LRRC4C: variants seen among roughly 807,000 people sequenced by gnomAD.
LRRC4C encodes the protein leucine-rich repeat-containing protein 4C.
A neutral mutation model predicts 33.6 loss-of-function variants in LRRC4C; 5 were observed. The observed-to-expected ratio is 0.15, with a 90% confidence interval of 0.08 to 0.31. LRRC4C has a LOEUF of 0.31. Ranked by LOEUF, LRRC4C falls within the 10% of genes least tolerant of loss-of-function variation. LRRC4C has a pLI of 1.00. For missense variants in LRRC4C, 560 were observed against 796.7 expected (o/e 0.70, Z 3.58); for synonymous variants, 329 against 302.0 (o/e 1.09, Z -0.93).
Position 40,434,878 on chromosome 11 carries a change from A to T in LRRC4C, c.-269-115157T>A, listed in dbSNP as rs575436000. Among the ~76,000 whole-genome samples, 21 of 152,320 alleles carry T rather than the reference A, an allele frequency of 1.4e-4. 1 individual carries two copies. In the East Asian group the frequency reaches 3.9e-3, roughly 28 times the overall value. ...AGAAGGGAATATAAAAGAGAAAGAG[A>T]GAATGATGAATAGAGCTTGACTGGT... On this transcript the variant is annotated intron_variant, in intron 3 of 6. Transcript: ENST00000528697.
intron 2 of LRRC4C, among the ~76,000 whole-genome samples, chr11:40,818,106 A>C (rs1951780017): frequency 6.6e-6 from 1 of 152,100 alleles, no homozygotes; most frequent in South Asian, 2.1e-4. Context: ...AAAACTATAA[A>C]ATAAGGTTTC....
intron 2 of LRRC4C, among the ~76,000 whole-genome samples, chr11:40,752,025 T>C (rs1948713379): frequency 6.6e-6 from 1 of 152,074 alleles, no homozygotes. Flanking sequence ...CAATAAATGG[T>C]GATGGGAAAA....
chr11:40,165,323 T>C (rs192851956), intron 5 of LRRC4C, among the ~76,000 whole-genome samples: 1 of 152,328 alleles, frequency 6.6e-6, no homozygotes, highest in Admixed American at 6.5e-5. Context: ...TTTGTTTTTA[T>C]ATGTGTATGT....
At chr11:40,243,777 C>T (rs1317682929) in intron 4 of LRRC4C, among the ~76,000 whole-genome samples, 1 of 147,180 alleles carries the variant, frequency 6.8e-6, no homozygotes, top group South Asian at 2.1e-4. Flanking sequence ...ACATCCTCTT[C>T]CTCTCAGCTT....
chr11:41,406,858 C>G (rs1954260528), intron 1 of LRRC4C, among the ~76,000 whole-genome samples: 2 of 151,772 alleles, frequency 1.3e-5, no homozygotes, highest in Non-Finnish European at 2.9e-5. Flanking sequence ...TTAAAGCTGG[C>G]AAATCTGATA....
chr11:41,284,607 A>G (rs1266290070), intron 1 of LRRC4C, among the ~76,000 whole-genome samples: 2 of 152,154 alleles, frequency 1.3e-5, no homozygotes, highest in Non-Finnish European at 2.9e-5. Flanking sequence ...CGCTCCAGGC[A>G]CTTGTCCCCA....
At chr11:41,205,442 A>G (rs186248090) in intron 1 of LRRC4C, among the ~76,000 whole-genome samples, 56 of 152,314 alleles carry the variant, frequency 3.7e-4, no homozygotes, top group African/African-American at 1.3e-3. Context: ...AGGTCATTGT[A>G]CTGAACCATT....
chr11:40,723,231 C>A (rs1054793192), intron 2 of LRRC4C, among the ~76,000 whole-genome samples: 7 of 151,730 alleles, frequency 4.6e-5, no homozygotes, highest in African/African-American at 1.7e-4. Context: ...GAGAGGTCAA[C>A]AGGGGAATAT....
chr11:40,209,101 G>T (rs560029208), intron 5 of LRRC4C, among the ~76,000 whole-genome samples: 11 of 152,174 alleles, frequency 7.2e-5, no homozygotes, highest in African/African-American at 2.6e-4. Flanking sequence ...AATGAATAAG[G>T]CACATTCCCT....
intron 1 of LRRC4C, among the ~76,000 whole-genome samples, chr11:41,121,247 G>A (rs558893470): frequency 7.2e-5 from 11 of 151,952 alleles, no homozygotes; most frequent in Admixed American, 3.3e-4. Flanking sequence ...AGGATATATC[G>A]GTCGGTCAAA....
intron 5 of LRRC4C, among the ~76,000 whole-genome samples, chr11:40,197,482 C>T (rs1227598926): frequency 1.3e-5 from 2 of 152,208 alleles, no homozygotes; most frequent in African/African-American, 4.8e-5. Flanking sequence ...CACATAGCTA[C>T]TGAGTTGAGG....
intron 3 of LRRC4C, among the ~76,000 whole-genome samples, chr11:40,394,672 T>G (rs1284781825): frequency 6.6e-6 from 1 of 152,122 alleles, no homozygotes; most frequent in African/African-American, 2.4e-5. Context: ...TTCACGCTCT[T>G]GACTTGTGAA....
intron 5 of LRRC4C, among the ~76,000 whole-genome samples, chr11:40,199,119 G>A (rs763405496): frequency 9.9e-5 from 15 of 152,154 alleles, no homozygotes; most frequent in Non-Finnish European, 1.9e-4. Context: ...CATCCAGGCT[G>A]GAGTTCAGTG....
intron 3 of LRRC4C, among the ~76,000 whole-genome samples, chr11:40,352,197 C>T (rs1486262404): frequency 1.5e-5 from 2 of 137,318 alleles, no homozygotes; most frequent in South Asian, 2.3e-4. Context: ...TTACTTCCTT[C>T]GAAGGTGTTT....
intron 3 of LRRC4C, among the ~76,000 whole-genome samples, chr11:40,537,168 C>T (rs1412151735): frequency 6.6e-6 from 1 of 152,102 alleles, no homozygotes; most frequent in Non-Finnish European, 1.5e-5. Flanking sequence ...AAACAGCAAC[C>T]TGATTTGTGA....
chr11:40,834,644 T>A (rs1952579933), intron 2 of LRRC4C, among the ~76,000 whole-genome samples: 1 of 152,040 alleles, frequency 6.6e-6, no homozygotes, highest in South Asian at 2.1e-4. Context: ...ATGTCTTTCA[T>A]CCCATACACC....
chr11:40,963,479 C>A (rs1851112069), intron 1 of LRRC4C, among the ~76,000 whole-genome samples: 2 of 151,720 alleles, frequency 1.3e-5, no homozygotes, highest in African/African-American at 4.8e-5. Flanking sequence ...CCCAAAGTCA[C>A]ACATTAAGTA....
At chr11:41,218,229 A>T (rs1947148126) in intron 1 of LRRC4C, among the ~76,000 whole-genome samples, 1 of 152,178 alleles carries the variant, frequency 6.6e-6, no homozygotes, top group Non-Finnish European at 1.5e-5. Context: ...CAGTCAATAA[A>T]TATCCACTGC....
intron 1 of LRRC4C, among the ~76,000 whole-genome samples, chr11:41,060,246 A>C (rs900125191): frequency 8.5e-5 from 13 of 152,162 alleles, no homozygotes; most frequent in Non-Finnish European, 1.9e-4. Flanking sequence ...CTCTATCTTT[A>C]ACTTAGCCCT....
Sources: gnomAD v4.1 joint callset for allele counts (sites outside exome capture counted in the v4.1 genomes callset) on GRCh38, gnomAD v4.1.1 for gene constraint, MANE v1.5 for transcripts, NCBI Gene and HGNC (gene_info 2026-07-23, HGNC 2026-07-21) for gene names.